Variants in TRPC7 observed in about 807,000 individuals in gnomAD.
TRPC7 encodes the protein transient receptor potential cation channel subfamily C member 7.
A neutral mutation model predicts 90.1 loss-of-function variants in TRPC7; 42 were observed. The observed-to-expected ratio is 0.47, with a 90% confidence interval of 0.36 to 0.60. TRPC7 has a LOEUF of 0.60. Ranked by LOEUF, TRPC7 falls within the 20% of genes least tolerant of loss-of-function variation. TRPC7 has a pLI of 0.00. For missense variants in TRPC7, 955 were observed against 1,112.3 expected, an observed-to-expected ratio of 0.86 and a Z score of 2.01; for synonymous variants, 451 against 436.3, an observed-to-expected ratio of 1.03 and a Z score of -0.42.
chr5:136,360,521 C>T (rs1290022288), intron 1 of TRPC7, among the ~76,000 whole-genome samples: 1 of 152,088 alleles, frequency 6.6e-6, no homozygotes. Context: ...TTAAAATGTC[C>T]TCACCATTTG....
chr5:136,231,635 C>CAAGAT, intron 7 of TRPC7, 86 bp from the exon 8 acceptor site: 1 of 1,297,822 alleles, frequency 7.7e-7, no homozygotes, highest in Non-Finnish European at 1.0e-6. Flanking sequence ...GACAGGGTCT[C>CAAGAT]ACTCTGTTGC....
chr5:136,222,451 A>C (rs1460297132), intron 10 of TRPC7, among the ~76,000 whole-genome samples: 1 of 152,212 alleles, frequency 6.6e-6, no homozygotes, highest in Non-Finnish European at 1.5e-5. Flanking sequence ...GATTGTAAGA[A>C]GGAGGGGGTG....
At chr5:136,362,136 A>G (rs370474997) in intron 1 of TRPC7, among the ~76,000 whole-genome samples, 2 of 152,300 alleles carry the variant, frequency 1.3e-5, no homozygotes, top group East Asian at 3.9e-4. Flanking sequence ...AACATATATT[A>G]CACATTTACC....
intron 3 of TRPC7, among the ~76,000 whole-genome samples, chr5:136,290,060 A>G (rs955264187): frequency 6.6e-6 from 1 of 152,232 alleles, no homozygotes; most frequent in Non-Finnish European, 1.5e-5. Context: ...AGTAAACTCC[A>G]ACAGACCTGC....
chr5:136,299,407 G>C (rs947933515), intron 3 of TRPC7, among the ~76,000 whole-genome samples: 9 of 149,714 alleles, frequency 6.0e-5, no homozygotes, highest in African/African-American at 2.2e-4. Context: ...GAAAAGGAGA[G>C]GAAAGAGGTA....
intron 7 of TRPC7, among the ~76,000 whole-genome samples, chr5:136,246,015 G>T (rs955253606): frequency 6.6e-6 from 1 of 152,120 alleles, no homozygotes; most frequent in African/African-American, 2.4e-5. Flanking sequence ...CTGGCATCCT[G>T]CCCCGTGCCC....
At chr5:136,361,976 A>G (rs887677092) in intron 1 of TRPC7, among the ~76,000 whole-genome samples, 2 of 152,156 alleles carry the variant, frequency 1.3e-5, no homozygotes, top group African/African-American at 4.8e-5. Context: ...ATACCATAAC[A>G]CTTTATACAA....
At chr5:136,222,445 G>T (rs886581635) in intron 10 of TRPC7, among the ~76,000 whole-genome samples, 2 of 152,228 alleles carry the variant, frequency 1.3e-5, no homozygotes, top group African/African-American at 4.8e-5. Flanking sequence ...GGCCTGGATT[G>T]TAAGAAGGAG....
At position 136,234,397 on chromosome 5, in the gene TRPC7, C is replaced by G. The variant is rs541995069; in HGVS notation, c.1845-2848G>C. On this transcript the variant is annotated intron_variant, in intron 7 of 11. Coordinates refer to ENST00000513104, the MANE Select transcript of TRPC7 (RefSeq NM_020389.3). Reference sequence around the variant, plus strand: ...CGATCTTGGCTCACGGCAACCTCCGCGTCCTGGGTTTAAGTGATTCTCCTG... The same window carrying G: ...CGATCTTGGCTCACGGCAACCTCCGGGTCCTGGGTTTAAGTGATTCTCCTG... Among the ~76,000 whole-genome samples, 3 of 152,152 alleles carry G rather than the reference C, an allele frequency of 2.0e-5. No homozygotes were observed. In the East Asian group the frequency reaches 5.8e-4, roughly 29 times the overall value.
Position 136,219,935 on chromosome 5 carries a change from G to C in TRPC7, c.2344-3660C>G, listed in dbSNP as rs116051974. Among the ~76,000 whole-genome samples the C allele has an allele frequency of 7.7e-3, 1,177 of 152,350 alleles. 10 individuals carry two copies. Among genetic ancestry groups the C allele is most frequent in the African/African-American group, 0.02 (841 of 41,572 alleles). The stretch of plus-strand genomic sequence containing the variant: ...CATGGATGGCACAGAGGATATTGTT[G>C]CGGGAAGTCAGGGACCCTGAATGGA... On this transcript the variant is annotated intron_variant, in intron 10 of 11. Coordinates refer to ENST00000513104, the MANE Select transcript of TRPC7 (RefSeq NM_020389.3).
intron 5 of TRPC7, among the ~76,000 whole-genome samples, chr5:136,265,074 C>T: frequency 6.6e-6 from 1 of 152,200 alleles, no homozygotes; most frequent in Non-Finnish European, 1.5e-5. Context: ...TCTTGTAGCA[C>T]TCTTGGGCTA....
chr5:136,330,474 C>T (rs941493132), intron 2 of TRPC7, among the ~76,000 whole-genome samples: 1 of 152,182 alleles, frequency 6.6e-6, no homozygotes, highest in African/African-American at 2.4e-5. Flanking sequence ...GATCCATGAT[C>T]GTAATACTGG....
chr5:136,226,334 CA>C, intron 8 of TRPC7, 79 bp from the exon 9 acceptor site: 3 of 1,013,640 alleles, frequency 3.0e-6, no homozygotes, highest in Non-Finnish European at 4.4e-6. Flanking sequence ...AGCAGAGACA[CA>C]GCCCCAACAT....
chr5:136,349,079 A>G (rs550381982), intron 2 of TRPC7, among the ~76,000 whole-genome samples: 1 of 152,064 alleles, frequency 6.6e-6, no homozygotes, highest in South Asian at 2.1e-4. Context: ...CCACGGAGAT[A>G]TTTTTCAAAA....
chr5:136,358,055 T>C (rs1209294824), intron 1 of TRPC7, among the ~76,000 whole-genome samples: 2 of 152,220 alleles, frequency 1.3e-5, no homozygotes, highest in African/African-American at 2.4e-5. Flanking sequence ...TGTCCGTTTC[T>C]ACATTCTGTG....
At chr5:136,224,563 C>T (rs1022901455) in intron 10 of TRPC7, among the ~76,000 whole-genome samples, 7 of 152,174 alleles carry the variant, frequency 4.6e-5, no homozygotes, top group Non-Finnish European at 7.3e-5. Flanking sequence ...TCTCTATCAC[C>T]CTGCTCGTAC....
chr5:136,251,229 G>A (rs1400854352), intron 6 of TRPC7, among the ~76,000 whole-genome samples: 1 of 152,146 alleles, frequency 6.6e-6, no homozygotes, highest in African/African-American at 2.4e-5. Flanking sequence ...TAGGAAAGCA[G>A]GATTTATTTT....
At chr5:136,234,306 TTTTC>T (rs984794655) in intron 7 of TRPC7, among the ~76,000 whole-genome samples, 3 of 151,742 alleles carry the variant, frequency 2.0e-5, no homozygotes, top group African/African-American at 4.8e-5. Flanking sequence ...TATACATTTC[TTTTC>T]TTTTTTTTTT....
intron 1 of TRPC7, among the ~76,000 whole-genome samples, chr5:136,364,061 C>T (rs1418010676): frequency 2.0e-5 from 3 of 151,984 alleles, no homozygotes; most frequent in Middle Eastern, 3.4e-3. Flanking sequence ...AAAGAGAGGC[C>T]CTTATATTAT....
Sources: allele counts gnomAD v4.1 joint callset (sites outside exome capture counted in the v4.1 genomes callset), GRCh38; gene constraint gnomAD v4.1.1; transcripts MANE v1.5; gene names NCBI Gene and HGNC (gene_info 2026-07-23, HGNC 2026-07-21).